The following CRCP variants were observed in gnomAD, a reference collection of about 807,000 sequenced individuals.
CRCP encodes DNA-directed RNA polymerase III subunit RPC9.
Under a neutral mutation model 18.5 loss-of-function variants are expected in CRCP, and 18 were observed. That is an observed-to-expected ratio of 0.97 (90% CI 0.67 to 1.44). The LOEUF is 1.44. CRCP is among the 40% of genes most tolerant of loss of function. The probability of loss-of-function intolerance (pLI) is 0.00; values close to 1 mark genes in which losing one functional copy is unlikely to be tolerated. For missense variants in CRCP, 130 were observed against 176.4 expected, an observed-to-expected ratio of 0.74 and a Z score of 1.49; for synonymous variants, 53 against 62.9, an observed-to-expected ratio of 0.84 and a Z score of 0.75.
At chr7:66,130,639 G>A (rs571458734) in intron 2 of CRCP, 105 bp from the exon 3 acceptor site, 27 of 533,528 alleles carry the variant, frequency 5.1e-5, no homozygotes, top group African/African-American at 7.7e-5. Context: ...ATGGGCGGGT[G>A]AAAGGAAGTA....
chr7:66,130,669 C>A, intron 2 of CRCP, 75 bp from the exon 3 acceptor site: 1 of 851,976 alleles, frequency 1.2e-6, no homozygotes, highest in Non-Finnish European at 1.9e-6. Flanking sequence ...CCTGTTTATC[C>A]TTCAAAACCA....
At chr7:66,123,768 G>C (rs1229783536) in intron 1 of CRCP, among the ~76,000 whole-genome samples, 2 of 150,404 alleles carry the variant, frequency 1.3e-5, no homozygotes, top group Non-Finnish European at 3.0e-5. Context: ...AAAAAGGTGG[G>C]GGGGCCGGGC....
intron 4 of CRCP, among the ~76,000 whole-genome samples, chr7:66,139,392 T>G (rs886946179): frequency 7.9e-5 from 12 of 152,358 alleles, no homozygotes; most frequent in Admixed American, 4.6e-4. Context: ...ATTTCAGGAA[T>G]GTTTACTTTT....
intron 5 of CRCP, among the ~76,000 whole-genome samples, chr7:66,152,003 C>A (rs1016249668): frequency 6.6e-6 from 1 of 151,924 alleles, no homozygotes; most frequent in African/African-American, 2.4e-5. Context: ...TTTTTACTGA[C>A]CCATTTTGAT....
chr7:66,146,552 G>A (rs1788305014), intron 5 of CRCP, among the ~76,000 whole-genome samples: 1 of 152,096 alleles, frequency 6.6e-6, no homozygotes, highest in Non-Finnish European at 1.5e-5. Context: ...ATTTCCTTTA[G>A]AAAAGTATGG....
chr7:66,122,955 C>CTTTT (rs199515487), intron 1 of CRCP, among the ~76,000 whole-genome samples: 1 of 118,758 alleles, frequency 8.4e-6, no homozygotes, highest in Non-Finnish European at 1.8e-5. Flanking sequence ...TTCTTTCTTT[C>CTTTT]TTTTTTTTTT....
Position 66,115,075 on chromosome 7 carries a change from A to G in CRCP, c.8+105A>G, listed in dbSNP as rs537060478. 1.4e-5 allele frequency: 21 copies of G among 1,500,826 alleles called. No individual in the cohort carries two copies. In the Admixed American group the frequency reaches 3.2e-4, roughly 23 times the overall value. 93.0% of individuals were successfully genotyped at this position (1,500,826 alleles called of 1,614,324 possible). Reference sequence around the variant, plus strand: ...GGGGACTGGGCGACCCTCGTACGGGAGTGAGGGCAGCGGGCCGGCCCTGTC... The same window carrying G: ...GGGGACTGGGCGACCCTCGTACGGGGGTGAGGGCAGCGGGCCGGCCCTGTC... On this transcript the variant is annotated intron_variant, in intron 1 of 5. Transcript: ENST00000395326.
chr7:66,119,174 G>A (rs1039332058), intron 1 of CRCP, among the ~76,000 whole-genome samples: 3 of 152,166 alleles, frequency 2.0e-5, no homozygotes, highest in Admixed American at 2.0e-4. Flanking sequence ...GTCAATTACT[G>A]TGAGGTTGGC....
rs148691578 is a variant in CRCP at position 66,131,045 on chromosome 7, G to A, written c.144+203G>A. ...GCTGGAATGCAGTGGTGTGATCTTCGCTCACTGCAAGCTCCACCTCCCAGG... is the reference window on the plus strand; with the variant it reads ...GCTGGAATGCAGTGGTGTGATCTTCACTCACTGCAAGCTCCACCTCCCAGG... On this transcript the variant is annotated intron_variant, in intron 3 of 5. Coordinates refer to ENST00000395326, the MANE Select transcript of CRCP (RefSeq NM_014478.5). Among the ~76,000 whole-genome samples the A allele has an allele frequency of 2.6e-4, 39 of 152,234 alleles. No individual in the cohort carries two copies. The East Asian group carries it at 7.3e-3, about 29-fold the overall frequency.
intron 5 of CRCP, chr7:66,150,620 G>A (rs1788430262): frequency 6.6e-6 from 1 of 152,028 alleles, no homozygotes; most frequent in Non-Finnish European, 1.5e-5. Context: ...CCTGAACTGT[G>A]CTGTTGTCTG....
At chr7:66,136,231 T>C (rs62465470) in intron 4 of CRCP, among the ~76,000 whole-genome samples, 97,687 of 151,666 alleles carry the variant, frequency 0.64, 31,915 homozygotes, top group African/African-American at 0.74. Context: ...TTTTTTTTAT[T>C]GGTTTGTTTT....
intron 5 of CRCP, among the ~76,000 whole-genome samples, chr7:66,146,308 A>G (rs1043583726): frequency 6.6e-6 from 1 of 152,088 alleles, no homozygotes; most frequent in African/African-American, 2.4e-5. Context: ...GGGGCCTACG[A>G]TGGGATAAGG....
Position 66,130,765 on chromosome 7 carries a change from C to G in CRCP, c.67C>G (p.Leu23Val), listed in dbSNP as rs1412871955. The G allele has an allele frequency of 4.4e-6, 7 of 1,606,912 alleles. No individual in the cohort carries two copies. The change falls in exon 3 of 6, where the codon CTG becomes GTG. Residue 23 changes from leucine (L) to valine (V), a missense_variant. Transcript: ENST00000395326. ...NYEVFQLLTD[L>V]KEQRKESGKN... ...CTAGGTATTTCAGTTACTAACTGAT[C>G]TGAAAGAGCAGCGTAAAGAAAGTGG...
At chr7:66,122,246 G>C (rs887593548) in intron 1 of CRCP, among the ~76,000 whole-genome samples, 1 of 151,990 alleles carries the variant, frequency 6.6e-6, no homozygotes, top group African/African-American at 2.4e-5. Context: ...GTGGTGGTGG[G>C]TGCCCGTAGT....
intron 3 of CRCP, among the ~76,000 whole-genome samples, chr7:66,132,852 A>G (rs1031494338): frequency 3.9e-5 from 6 of 151,976 alleles, no homozygotes; most frequent in Non-Finnish European, 7.4e-5. Context: ...TGGAGCTTGC[A>G]GTGAGCCGAG....
chr7:66,150,358 G>A (rs1009885586), intron 5 of CRCP, among the ~76,000 whole-genome samples: 6 of 15,630 alleles, frequency 3.8e-4, no homozygotes, highest in African/African-American at 2.0e-3. Context: ...AAGAGTGAAG[G>A]GGGGGAGTTG....
chr7:66,126,689 G>A, intron 1 of CRCP: 1 of 417,152 alleles, frequency 2.4e-6, no homozygotes, highest in Non-Finnish European at 4.8e-6. Context: ...AAAATTTGTT[G>A]TCTCATTTTA....
In CRCP at chr7:66,124,494, TCCTC is replaced by T. The variant is rs1554332416; in HGVS notation, c.9-3194_9-3191del. 1.9e-4 allele frequency among the ~76,000 whole-genome samples: 28 copies of T among 143,654 alleles called. No homozygotes were observed. The East Asian group carries it at 3.1e-3, about 16-fold the overall frequency. The allele number at this position is 143,654 out of a possible 152,430, so 94.2% of individuals were successfully genotyped here. On this transcript the variant is annotated intron_variant, in intron 1 of 5. Transcript: ENST00000395326. ...TCTTTTCTTTTTTCTTTTCCCTCCCTCCTCCCTCCCTCCCTCCCTTCCTTCCTTC... is the reference window on the plus strand; with the variant it reads ...TCTTTTCTTTTTTCTTTTCCCTCCCTCCTCCCTCCCTCCCTTCCTTCCTTC...
In CRCP at chr7:66,133,749, C is replaced by T. The variant is rs540283645; in HGVS notation, c.145-531C>T. On this transcript the variant is annotated intron_variant, in intron 3 of 5. Transcript: ENST00000395326. ...TTCTCCTAAAATTTCATTAGTTATT[C>T]TTCCTCTTCTAGCTACTGGTTTTCT... 8.1e-4 allele frequency among the ~76,000 whole-genome samples: 120 copies of T among 148,986 alleles called. 1 individual carries two copies. The South Asian group carries it at 0.013, about 16-fold the overall frequency.
Sources: gnomAD v4.1 joint callset for allele counts (sites outside exome capture counted in the v4.1 genomes callset) on GRCh38, gnomAD v4.1.1 for gene constraint, MANE v1.5 for transcripts, NCBI Gene and HGNC (gene_info 2026-07-23, HGNC 2026-07-21) for gene names.